USO1: variants seen among roughly 807,000 people sequenced by gnomAD.
The protein encoded by USO1 is USO1 vesicle transport factor, also known as general vesicular transport factor p115.
In USO1, 57 loss-of-function variants were observed where a neutral mutation model predicts 124.5. That is an observed-to-expected ratio of 0.46 (90% CI 0.37 to 0.57). The LOEUF (loss-of-function observed/expected upper bound fraction) is 0.57, where lower values mean the gene tolerates loss of function less well. USO1 is among the 20% of genes least tolerant of loss of function. The probability of loss-of-function intolerance (pLI) is 0.00; values close to 1 mark genes in which losing one functional copy is unlikely to be tolerated. For missense variants in USO1, 900 were observed against 1,040.6 expected, an observed-to-expected ratio of 0.86 and a Z score of 1.86; for synonymous variants, 369 against 362.8, an observed-to-expected ratio of 1.02 and a Z score of -0.19.
At chr4:75,811,170 A>C (rs1168689307) in intron 22 of USO1, among the ~76,000 whole-genome samples, 1 of 148,872 alleles carries the variant, frequency 6.7e-6, no homozygotes, top group Non-Finnish European at 1.5e-5. Context: ...TTTTTTTTTG[A>C]GAGAGAGTCT....
intron 12 of USO1, among the ~76,000 whole-genome samples, chr4:75,791,345 G>T (rs1722526504): frequency 6.6e-6 from 1 of 152,196 alleles, no homozygotes. Context: ...CCAACATGGT[G>T]AAACCCCGTC....
At chr4:75,796,052 TGTATCTTTG>T (rs1011412082) in intron 13 of USO1, among the ~76,000 whole-genome samples, 5 of 152,182 alleles carry the variant, frequency 3.3e-5, no homozygotes, top group African/African-American at 1.2e-4. Context: ...TGTTATGAAT[TGTATCTTTG>T]TGTATGAGCA....
intron 22 of USO1, 111 bp downstream of exon 22, chr4:75,810,650 A>G (rs1723121163): frequency 1.6e-6 from 2 of 1,270,724 alleles, no homozygotes; most frequent in African/African-American, 3.0e-5. Flanking sequence ...ATGATGTGTA[A>G]TTTTATCTCA....
chr4:75,789,986 A>G (rs1038040530), intron 10 of USO1, among the ~76,000 whole-genome samples, 164 bp from the exon 11 acceptor site: 5 of 151,254 alleles, frequency 3.3e-5, no homozygotes, highest in Admixed American at 2.0e-4. Flanking sequence ...ATTTTTTTTC[A>G]TGTATACATA....
At chr4:75,782,380 T>TG (rs1722244353) in intron 8 of USO1, among the ~76,000 whole-genome samples, 1 of 152,228 alleles carries the variant, frequency 6.6e-6, no homozygotes, top group Non-Finnish European at 1.5e-5. Flanking sequence ...GACGCTAACC[T>TG]AGTCCTGTAG....
chr4:75,805,351 TCATTATCCTGC>T, intron 19 of USO1, 48 bp downstream of exon 19: 1 of 1,467,100 alleles, frequency 6.8e-7, no homozygotes, highest in East Asian at 2.5e-5. Context: ...AGAGTGGTTC[TCATTATCCTGC>T]CTTTTTTTTT....
At chr4:75,734,761 C>G (rs1207212361) in intron 1 of USO1, among the ~76,000 whole-genome samples, 7 of 96,084 alleles carry the variant, frequency 7.3e-5, no homozygotes, top group Non-Finnish European at 9.3e-5. Context: ...TAGAGCCTTG[C>G]TCTGTTGCCC....
At chr4:75,748,307 G>A (rs148862792) in intron 1 of USO1, among the ~76,000 whole-genome samples, 16 of 150,546 alleles carry the variant, frequency 1.1e-4, no homozygotes, top group Middle Eastern at 3.4e-3. Flanking sequence ...TTGTGCCTCG[G>A]CCTTCTGAAC....
chr4:75,780,415 C>T (rs1273592210), intron 8 of USO1, among the ~76,000 whole-genome samples: 1 of 151,348 alleles, frequency 6.6e-6, no homozygotes, highest in Non-Finnish European at 1.5e-5. Context: ...TACAGGCACC[C>T]ACTACTGTGC....
chr4:75,751,247 T>A (rs975185305), intron 1 of USO1, among the ~76,000 whole-genome samples: 5 of 150,952 alleles, frequency 3.3e-5, no homozygotes, highest in Non-Finnish European at 5.9e-5. Context: ...AACCTCACTC[T>A]GTCACTCAGG....
At chr4:75,793,363 AC>A (rs1376031557) in intron 12 of USO1, among the ~76,000 whole-genome samples, 1 of 151,940 alleles carries the variant, frequency 6.6e-6, no homozygotes, top group Non-Finnish European at 1.5e-5. Context: ...GGCATGCACC[AC>A]CAACTCCTGG....
intron 17 of USO1, among the ~76,000 whole-genome samples, chr4:75,802,307 T>G (rs1382999429): frequency 6.6e-6 from 1 of 152,196 alleles, no homozygotes; most frequent in Non-Finnish European, 1.5e-5. Context: ...GATGGAGCCA[T>G]TTCCAGTTGC....
chr4:75,787,001 A>G (rs1053530656), intron 9 of USO1, 61 bp from the exon 10 acceptor site: 2 of 1,486,944 alleles, frequency 1.3e-6, no homozygotes, highest in East Asian at 2.6e-5. Context: ...CATAGATCAG[A>G]TTTGCCTCAA....
intron 9 of USO1, among the ~76,000 whole-genome samples, chr4:75,786,691 G>A (rs1475490045): frequency 6.6e-6 from 1 of 152,112 alleles, no homozygotes; most frequent in Non-Finnish European, 1.5e-5. Flanking sequence ...TTTCAGACCT[G>A]CTCTCTTACT....
rs1560459953 is a variant in USO1 at position 75,800,598 on chromosome 4, C to G, written c.1683-20C>G. 6.6e-7 allele frequency: 1 copy of G among 1,523,242 alleles called. No homozygotes were observed. Among genetic ancestry groups the G allele is most frequent in the South Asian group, 1.3e-5 (1 of 75,772 alleles). The allele number at this position is 1,523,242 out of a possible 1,614,324, so 94.4% of individuals were successfully genotyped here. ...TGATTTTATTTTTTTTAAAGCATCT[C>G]AATATGCTTATCTCCGTAGAGAGAA... On this transcript the variant is annotated intron_variant, in intron 15 of 23. Coordinates refer to ENST00000514213, the MANE Select transcript of USO1 (RefSeq NM_003715.4).
chr4:75,732,417 C>T (rs1220751265), intron 1 of USO1, among the ~76,000 whole-genome samples: 2 of 152,180 alleles, frequency 1.3e-5, no homozygotes, highest in Non-Finnish European at 2.9e-5. Flanking sequence ...TATTGATGGA[C>T]ACCTAGGTTG....
At chr4:75,729,251 C>G (rs1720557340) in intron 1 of USO1, among the ~76,000 whole-genome samples, 1 of 152,034 alleles carries the variant, frequency 6.6e-6, no homozygotes, top group Non-Finnish European at 1.5e-5. Flanking sequence ...CTCTTTTTCC[C>G]TAACCACTAG....
intron 4 of USO1, among the ~76,000 whole-genome samples, chr4:75,761,936 G>C (rs1258793996): frequency 6.6e-6 from 1 of 152,110 alleles, no homozygotes; most frequent in Non-Finnish European, 1.5e-5. Context: ...ATTGTGCCTT[G>C]ACTCTTGTCA....
At chr4:75,740,334 C>G (rs1024915580) in intron 1 of USO1, among the ~76,000 whole-genome samples, 3 of 152,190 alleles carry the variant, frequency 2.0e-5, no homozygotes, top group Non-Finnish European at 4.4e-5. Flanking sequence ...GTTACCCAGT[C>G]TGGAGTTCAG....
Sources: allele counts gnomAD v4.1 joint callset (sites outside exome capture counted in the v4.1 genomes callset), GRCh38; gene constraint gnomAD v4.1.1; transcripts MANE v1.5; gene names NCBI Gene and HGNC (gene_info 2026-07-23, HGNC 2026-07-21).